The following LRP12 variants were observed in gnomAD, a reference collection of about 807,000 sequenced individuals.
LRP12 encodes the protein LDL receptor related protein 12.
In LRP12, 14 loss-of-function variants were observed where a neutral mutation model predicts 66.0. The ratio of observed to expected loss-of-function variants is 0.21; its 90% CI spans 0.14 to 0.33. The LOEUF (loss-of-function observed/expected upper bound fraction) is 0.33. Ranked by LOEUF, LRP12 falls within the 10% of genes least tolerant of loss-of-function variation. LRP12 has a pLI of 1.00. For missense variants in LRP12, 889 were observed against 1,053.4 expected (o/e 0.84, Z 2.16); for synonymous variants, 357 against 359.1 (o/e 0.99, Z 0.07).
At chr8:104,503,324 C>T (rs1478110074) in intron 3 of LRP12, among the ~76,000 whole-genome samples, 86 of 78,314 alleles carry the variant, frequency 1.1e-3, no homozygotes, top group African/African-American at 5.0e-3. Context: ...GAGACTGTGT[C>T]TCTCAAAAAA....
intron 1 of LRP12, among the ~76,000 whole-genome samples, chr8:104,532,882 G>A (rs998403126): frequency 2.0e-5 from 3 of 152,018 alleles, no homozygotes; most frequent in African/African-American, 7.2e-5. Flanking sequence ...CAGAGGAGGC[G>A]CACAAATAGC....
chr8:104,521,199 T>TC (rs937517340), intron 2 of LRP12, among the ~76,000 whole-genome samples: 1 of 151,964 alleles, frequency 6.6e-6, no homozygotes, highest in Admixed American at 6.6e-5. Context: ...AAACCAAAAA[T>TC]CTGAAGTGTG....
chr8:104,587,178 G>C (rs911614297), intron 1 of LRP12, among the ~76,000 whole-genome samples: 3 of 152,112 alleles, frequency 2.0e-5, no homozygotes, highest in Non-Finnish European at 4.4e-5. Flanking sequence ...ATTCTGATCG[G>C]ACATCACAGA....
intron 1 of LRP12, among the ~76,000 whole-genome samples, chr8:104,548,339 A>ATATATAATATATATTATATAAATATAT (rs1811656594): frequency 2.3e-4 from 10 of 43,118 alleles, no homozygotes; most frequent in Admixed American, 1.1e-3. Flanking sequence ...TATTATATAA[A>ATATATAATATATATTATATAAATATAT]TATATAAATA....
rs1334828797 is a variant in LRP12, at chr8:104,589,228, C to T, written c.-331G>A. Among the ~76,000 whole-genome samples the T allele has an allele frequency of 1.3e-5, 2 of 151,580 alleles. No individual in the cohort carries two copies. Among genetic ancestry groups the T allele is most frequent in the Non-Finnish European group, 3.0e-5 (2 of 67,776 alleles). ...CGCCGGACTCCGGCCTCGCGCCGCT[C>T]GGGCTAGCCGGCGCCGCCACTCGCC... On this transcript the variant is annotated 5_prime_UTR_variant, in exon 1 of 7. Coordinates refer to ENST00000276654, the MANE Select transcript of LRP12 (RefSeq NM_013437.5).
At chr8:104,516,020 C>T (rs1811067992) in intron 2 of LRP12, among the ~76,000 whole-genome samples, 1 of 152,154 alleles carries the variant, frequency 6.6e-6, no homozygotes, top group Non-Finnish European at 1.5e-5. Context: ...TCCCAGAGTA[C>T]TGGGATTACA....
In LRP12 at chr8:104,511,030, C is replaced by CTTTTTTTT. The variant is rs11350393; in HGVS notation, c.137-1964_137-1957dup. ...TTACAATTGTAATTTGGAAAAATGA[C>CTTTTTTTT]TTTTTTTTTTTTTTTTTTTTTTTTT... On this transcript the variant is annotated intron_variant, in intron 2 of 6. Coordinates refer to ENST00000276654, the MANE Select transcript of LRP12 (RefSeq NM_013437.5). 4.6e-4 allele frequency among the ~76,000 whole-genome samples: 25 copies of CTTTTTTTT among 54,364 alleles called. 2 individuals are homozygous for CTTTTTTTT. The highest frequency in any genetic ancestry group is 1.2e-3 in the Admixed American group (4 of 3,308). The allele number at this position is 54,364 out of a possible 152,430, so 35.7% of individuals were successfully genotyped here. A position where few individuals can be genotyped will look rare whatever the true frequency, so the allele number is the denominator to read the frequency against.
chr8:104,545,362 G>C (rs1361425711), intron 1 of LRP12, among the ~76,000 whole-genome samples: 1 of 152,186 alleles, frequency 6.6e-6, no homozygotes, highest in African/African-American at 2.4e-5. Flanking sequence ...AGTTGATAAA[G>C]CAGCAGCAGG....
Position 104,491,506 on chromosome 8 carries a change from G to A in LRP12, c.1747C>T (p.Arg583Ter). The A allele has an allele frequency of 6.2e-7, 1 of 1,612,404 alleles. No homozygotes were observed. Among genetic ancestry groups the A allele is most frequent in the Non-Finnish European group, 8.5e-7 (1 of 1,179,670 alleles). The change falls in exon 7 of 7, where the codon CGA (arginine) becomes TGA (stop). Residue 583 changes from arginine (R) to a stop codon, truncating the protein, a stop_gained. Coordinates refer to ENST00000276654, the MANE Select transcript of LRP12 (RefSeq NM_013437.5). LOFTEE classifies it high-confidence loss of function. ...ACTGAAGTAAATCCAAGCTGAGATC[G>A]TACCGCTAGCCTCAGATTTTCCAAA... is the stretch of plus-strand genomic sequence containing the variant. ...SVLENLRLAV[R>*]SQLGFTSVRL... is the part of the protein sequence containing the mutation.
intron 3 of LRP12, chr8:104,506,272 G>T (rs543930441): frequency 4.2e-4 from 64 of 151,982 alleles, no homozygotes; most frequent in African/African-American, 1.3e-3. Flanking sequence ...AGAATACTAG[G>T]TGGCCGTGGC....
At chr8:104,574,707 A>C (rs1812135181) in intron 1 of LRP12, among the ~76,000 whole-genome samples, 1 of 152,238 alleles carries the variant, frequency 6.6e-6, no homozygotes, top group Non-Finnish European at 1.5e-5. Context: ...CTGAGCATGA[A>C]AAACATAATG....
intron 1 of LRP12, among the ~76,000 whole-genome samples, chr8:104,546,465 C>A (rs886228137): frequency 1.3e-5 from 2 of 152,108 alleles, no homozygotes; most frequent in Admixed American, 6.6e-5. Flanking sequence ...ATAAACATTA[C>A]ACATTGTACG....
intron 2 of LRP12, 37 bp from the exon 3 acceptor site, chr8:104,509,111 C>T (rs768623999): frequency 1.2e-6 from 2 of 1,602,102 alleles, no homozygotes; most frequent in East Asian, 2.2e-5. Flanking sequence ...CTTATTATTA[C>T]ACATTTAAAT....
At chr8:104,513,490 C>T (rs961534789) in intron 2 of LRP12, among the ~76,000 whole-genome samples, 1 of 152,096 alleles carries the variant, frequency 6.6e-6, no homozygotes, top group Non-Finnish European at 1.5e-5. Flanking sequence ...TTTTCTCTGA[C>T]CCACTGAAAT....
chr8:104,588,964 A>AGGT lies in LRP12; in HGVS notation c.-68_-67insACC, dbSNP rs1554712960. The AGGT allele has an allele frequency of 6.6e-6, 6 of 905,716 alleles. No individual in the cohort carries two copies. The South Asian group carries it at 1.0e-4, about 15-fold the overall frequency. 56.1% of individuals were successfully genotyped at this position (905,716 alleles called of 1,614,324 possible). On this transcript the variant is annotated 5_prime_UTR_variant, in exon 1 of 7. Coordinates refer to ENST00000276654, the MANE Select transcript of LRP12 (RefSeq NM_013437.5). ...AGGGAGGAGAAGCTGGAGGTAGACGACGCCGACGCCGCCGCCGCCGCCGCC... is the reference window on the plus strand; with the variant it reads ...AGGGAGGAGAAGCTGGAGGTAGACGAGGTCGCCGACGCCGCCGCCGCCGCCGCC...
At position 104,490,824 on chromosome 8, in the gene LRP12, T is replaced by C. The variant is rs1401421391; in HGVS notation, c.2429A>G (p.Tyr810Cys). 1 of 1,614,148 alleles carries C rather than the reference T, an allele frequency of 6.2e-7. No individual in the cohort carries two copies. ...CCTTACTCCAGGATTTGTTGCATTA[T>C]ATGGTTGTCTAAGCCCTTGTCCTTG... The part of the protein sequence containing the change: ...SDQGQGLRQP[Y>C]NATNPGVRPS... Residue 810 changes from tyrosine to cysteine, a missense_variant, in exon 7 of 7, where the codon TAT becomes TGT. Transcript: ENST00000276654.
chr8:104,533,259 T>C (rs1364622672), intron 1 of LRP12, among the ~76,000 whole-genome samples: 2 of 152,034 alleles, frequency 1.3e-5, no homozygotes, highest in African/African-American at 2.4e-5. Flanking sequence ...ATGTCACACA[T>C]ACAGAATTGA....
intron 1 of LRP12, among the ~76,000 whole-genome samples, chr8:104,546,219 G>A (rs1811554180): frequency 6.6e-6 from 1 of 151,986 alleles, no homozygotes; most frequent in Admixed American, 6.6e-5. Context: ...CACAGAAAAG[G>A]GAAAGGCAGT....
intron 3 of LRP12, chr8:104,508,176 C>T (rs1005398079): frequency 1.3e-5 from 2 of 151,734 alleles, no homozygotes; most frequent in African/African-American, 2.4e-5. Flanking sequence ...TTTTTTTTCC[C>T]CTGTAGGTAA....
Sources: allele counts gnomAD v4.1 joint callset (sites outside exome capture counted in the v4.1 genomes callset), GRCh38; gene constraint gnomAD v4.1.1; transcripts MANE v1.5; gene names NCBI Gene and HGNC (gene_info 2026-07-23, HGNC 2026-07-21).